Variants in ACACB observed in about 807,000 individuals in gnomAD.
ACACB encodes acetyl-CoA carboxylase 2.
A neutral mutation model predicts 278.8 loss-of-function variants in ACACB; 209 were observed. The ratio of observed to expected loss-of-function variants is 0.75; its 90% CI spans 0.67 to 0.84. The LOEUF (loss-of-function observed/expected upper bound fraction) is 0.84, where lower values mean the gene tolerates loss of function less well. Among genes scored for constraint, ACACB ranks in the 40% least tolerant of loss-of-function variants. ACACB has a pLI of 0.00. For missense variants in ACACB, 2,850 were observed against 3,269.0 expected, an observed-to-expected ratio of 0.87 and a Z score of 3.13; for synonymous variants, 1,174 against 1,285.6, an observed-to-expected ratio of 0.91 and a Z score of 1.86.
intron 2 of ACACB, among the ~76,000 whole-genome samples, chr12:109,149,208 G>C (rs957696156): frequency 1.3e-5 from 2 of 152,146 alleles, no homozygotes; most frequent in Non-Finnish European, 2.9e-5. Context: ...ACTCCAGGAC[G>C]GGCACCTCCG....
At chr12:109,218,909 G>T (rs1387636679) in intron 24 of ACACB, among the ~76,000 whole-genome samples, 3 of 152,026 alleles carry the variant, frequency 2.0e-5, no homozygotes, top group East Asian at 1.9e-4. Flanking sequence ...TGGGATTACA[G>T]GCATGCGCCA....
At chr12:109,179,367 C>A in intron 10 of ACACB, 70 bp downstream of exon 10, 1 of 1,500,814 alleles carries the variant, frequency 6.7e-7, no homozygotes. Context: ...GAAGAACTTT[C>A]TACGGTCAGT....
intron 13 of ACACB, among the ~76,000 whole-genome samples, chr12:109,190,499 T>A (rs1323289540): frequency 6.6e-6 from 1 of 152,260 alleles, no homozygotes; most frequent in Non-Finnish European, 1.5e-5. Flanking sequence ...GCCGTCCATC[T>A]GCAGGTGCAC....
Position 109,223,916 on chromosome 12 carries a change from A to T in ACACB, c.3882+12A>T. The T allele has an allele frequency of 6.2e-7, 1 of 1,611,040 alleles. No individual in the cohort carries two copies. The highest frequency in any genetic ancestry group is 1.1e-5 in the South Asian group (1 of 91,008). ...TGGCGTCCTTGGAGGTAAGCAGGAG[A>T]GGCCCAGAGAACAGCACTGACCATG... On this transcript the variant is annotated intron_variant, in intron 27 of 52. Coordinates refer to ENST00000338432, the MANE Select transcript of ACACB (RefSeq NM_001093.4).
At chr12:109,178,268 A>C (rs1399104686) in intron 9 of ACACB, among the ~76,000 whole-genome samples, 1 of 152,236 alleles carries the variant, frequency 6.6e-6, no homozygotes, top group Non-Finnish European at 1.5e-5. Flanking sequence ...AATACTTTTC[A>C]CATTGTCTTT....
intron 2 of ACACB, among the ~76,000 whole-genome samples, chr12:109,152,019 G>C (rs1346734226): frequency 6.6e-6 from 1 of 152,184 alleles, no homozygotes; most frequent in Non-Finnish European, 1.5e-5. Flanking sequence ...TGATCACTGT[G>C]ATGAAATGAT....
chr12:109,139,870 A>G lies in ACACB; in HGVS notation c.465A>G (p.Ala155=). The G allele has an allele frequency of 6.2e-7, 1 of 1,614,184 alleles. No homozygotes were observed. The highest frequency in any genetic ancestry group is 8.5e-7 in the Non-Finnish European group (1 of 1,180,022). ...GSPSKEDKKQ[A]NIKRQLMTNF... is the part of the protein sequence containing the mutation. ...CCTCCAAAGAAGACAAGAAGCAGGC[A>G]AACATCAAGAGGCAGCTGATGACCA... is the stretch of plus-strand genomic sequence containing the variant. The change falls in exon 2 of 53, where the codon GCA becomes GCG. Residue 155 remains alanine, a synonymous_variant. Transcript: ENST00000338432.
chr12:109,149,310 C>T (rs1370482846), intron 2 of ACACB, among the ~76,000 whole-genome samples: 1 of 152,174 alleles, frequency 6.6e-6, no homozygotes, highest in Non-Finnish European at 1.5e-5. Context: ...AGCTTGAGGA[C>T]ATCATCTACC....
chr12:109,187,556 C>G (rs1044142921), intron 12 of ACACB, among the ~76,000 whole-genome samples: 1 of 151,772 alleles, frequency 6.6e-6, no homozygotes, highest in Non-Finnish European at 1.5e-5. Context: ...ATCTCCTGGG[C>G]TCAAGAGATC....
chr12:109,140,365 C>G (rs1593388932), intron 2 of ACACB, among the ~76,000 whole-genome samples: 2 of 147,648 alleles, frequency 1.4e-5, no homozygotes, highest in South Asian at 2.1e-4. Context: ...CTTTCAAAAT[C>G]ATTCCTTGAG....
At position 109,179,290 on chromosome 12, in the gene ACACB, T is replaced by C; in HGVS notation, c.1640T>C (p.Met547Thr). The C allele has an allele frequency of 6.2e-7, 1 of 1,613,244 alleles. No individual in the cohort carries two copies. The highest frequency in any genetic ancestry group is 8.5e-7 in the Non-Finnish European group (1 of 1,179,852). Residue 547 changes from methionine (M) to threonine (T), a missense_variant, in exon 10 of 53, where the codon ATG becomes ACG. This residue lies in a region of ACACB where 2,265 missense variants were observed against 2,561.3 expected (regional missense o/e 0.88). Coordinates refer to ENST00000338432, the MANE Select transcript of ACACB (RefSeq NM_001093.4). ...TIAPLAIFEF[M>T]EQCAIRLAKT... ...GCCCCGCTGGCCATATTCGAGTTCA[T>C]GGAGCAGGTACACTTCTCAGAGCCC...
chr12:109,136,580 G>T (rs12305901), intron 1 of ACACB, among the ~76,000 whole-genome samples: 8,861 of 152,036 alleles, frequency 0.058, 884 homozygotes, highest in African/African-American at 0.2. Flanking sequence ...ATTTCTAGGT[G>T]TTTTATTCTT....
chr12:109,142,755 C>T (rs572216382), intron 2 of ACACB, among the ~76,000 whole-genome samples: 4 of 152,042 alleles, frequency 2.6e-5, no homozygotes, highest in South Asian at 4.2e-4. Flanking sequence ...TTAGTAGAGA[C>T]GGGGTTTCAC....
intron 2 of ACACB, among the ~76,000 whole-genome samples, chr12:109,152,154 G>C (rs1486031532): frequency 6.6e-6 from 1 of 152,164 alleles, no homozygotes; most frequent in Admixed American, 6.6e-5. Context: ...AAGTAGTGTT[G>C]GGGTTTTTGC....
intron 42 of ACACB, 129 bp downstream of exon 42, chr12:109,252,285 C>A: frequency 1.7e-6 from 1 of 604,048 alleles, no homozygotes; most frequent in Non-Finnish European, 2.7e-6. Context: ...TACAAGAGCT[C>A]TTTTTTTCCA....
chr12:109,223,881 G>A lies in ACACB; in HGVS notation c.3859G>A (p.Val1287Ile), dbSNP rs1032749170. Residue 1287 changes from valine to isoleucine, a missense_variant, in exon 27 of 53, where the codon GTC becomes ATC. Val to Ile is a conservative substitution (Grantham distance 29). Transcript: ENST00000338432. Reference sequence around the variant, plus strand: ...TACTTTCTTCTATCACGCAAACAAAGTCGTGTGCATGGCGTCCTTGGAGGT... The same window carrying A: ...TACTTTCTTCTATCACGCAAACAAAATCGTGTGCATGGCGTCCTTGGAGGT... Reference protein sequence around the residue: ...LPTFFYHANKVVCMASLEVYV... With the variant: ...LPTFFYHANKIVCMASLEVYV... The A allele has an allele frequency of 1.9e-6, 3 of 1,613,986 alleles. No individual in the cohort carries two copies. In the Admixed American group the frequency reaches 5.0e-5, roughly 27 times the overall value.
intron 48 of ACACB, 76 bp from the exon 49 acceptor site, chr12:109,262,281 C>T (rs2047398302): frequency 8.5e-7 from 1 of 1,171,104 alleles, no homozygotes; most frequent in Non-Finnish European, 1.3e-6. Context: ...TTCCCTCCAG[C>T]TCCCCCCACA....
Position 109,214,994 on chromosome 12 carries a change from G to T in ACACB, c.3351-1624G>T, listed in dbSNP as rs571988312. Among the ~76,000 whole-genome samples the T allele has an allele frequency of 2.4e-4, 36 of 152,162 alleles. 1 individual carries two copies. In the South Asian group the frequency reaches 7.3e-3, roughly 31 times the overall value. The stretch of plus-strand genomic sequence containing the variant: ...ACCTGTGGTCCCAGCTACTCCAGAG[G>T]CTGAGGTGAGAGGATTGCTTGAGCC... On this transcript the variant is annotated intron_variant, in intron 22 of 52. Transcript: ENST00000338432.
At chr12:109,119,809 C>G (rs1264340409) in intron 1 of ACACB, among the ~76,000 whole-genome samples, 1 of 151,980 alleles carries the variant, frequency 6.6e-6, no homozygotes, top group Non-Finnish European at 1.5e-5. Context: ...GCAGGAGAAT[C>G]GCTTGAAACT....
Sources: allele counts gnomAD v4.1 joint callset (sites outside exome capture counted in the v4.1 genomes callset), GRCh38; gene constraint gnomAD v4.1.1; regional missense constraint gnomAD v4.1.1; transcripts MANE v1.5; gene names NCBI Gene and HGNC (gene_info 2026-07-23, HGNC 2026-07-21).